Variants in POPDC1 observed in about 807,000 individuals in gnomAD.
The protein encoded by POPDC1 is popeye domain cAMP effector 1.
At chr6:105,132,590 G>T in the POPDC1 span, among the ~76,000 whole-genome samples, 1 of 152,164 alleles carries the variant, frequency 6.6e-6, no homozygotes, top group African/African-American at 2.4e-5. Flanking sequence ...GCCTTCCTCA[G>T]TCTTTGTCTG....
the POPDC1 span, among the ~76,000 whole-genome samples, chr6:105,103,003 C>T: frequency 6.6e-6 from 1 of 152,216 alleles, no homozygotes; most frequent in South Asian, 2.1e-4. Flanking sequence ...CAATTCTGCA[C>T]AGGGCACAGC....
the POPDC1 span, among the ~76,000 whole-genome samples, chr6:105,106,484 C>A: frequency 6.6e-6 from 1 of 152,316 alleles, no homozygotes; most frequent in Middle Eastern, 3.4e-3. Context: ...CAGCGAGAGT[C>A]CTGAGCGAAA....
At chr6:105,111,435 G>A in the POPDC1 span, among the ~76,000 whole-genome samples, 5 of 152,324 alleles carry the variant, frequency 3.3e-5, no homozygotes, top group Admixed American at 2.6e-4. Context: ...TGGTCCAGGA[G>A]CCAAGAGAAG....
chr6:105,106,798 CCT>C, the POPDC1 span, among the ~76,000 whole-genome samples: 3 of 151,804 alleles, frequency 2.0e-5, no homozygotes, highest in East Asian at 1.9e-4. Context: ...GCCTTAAAAA[CCT>C]TTTTTTTAGT....
the POPDC1 span, among the ~76,000 whole-genome samples, chr6:105,113,809 T>C: frequency 0.92 from 138,138 of 149,978 alleles, 63,778 homozygotes; most frequent in Non-Finnish European, 0.96. Flanking sequence ...TGCACCACGA[T>C]GCCTGGCATT....
chr6:105,099,246 G>C, the POPDC1 span: 1 of 152,168 alleles, frequency 6.6e-6, no homozygotes, highest in Non-Finnish European at 1.5e-5. Flanking sequence ...TTTTCTCAAT[G>C]AGTGACCGAG....
chr6:105,100,847 A>G, the POPDC1 span: 1 of 302,288 alleles, frequency 3.3e-6, no homozygotes, highest in Non-Finnish European at 6.0e-6. Context: ...GAAAATATAT[A>G]TCTCAAAAGA....
chr6:105,103,775 G>T, the POPDC1 span, among the ~76,000 whole-genome samples: 1 of 152,156 alleles, frequency 6.6e-6, no homozygotes, highest in African/African-American at 2.4e-5. Flanking sequence ...ATTGAGGCAG[G>T]TATCTATACT....
At chr6:105,124,162 C>A in the POPDC1 span, among the ~76,000 whole-genome samples, 1 of 151,976 alleles carries the variant, frequency 6.6e-6, no homozygotes, top group Admixed American at 6.6e-5. Flanking sequence ...GCAGGCAGAT[C>A]ATGAGGTGAA....
the POPDC1 span, among the ~76,000 whole-genome samples, chr6:105,110,423 G>A: frequency 6.6e-6 from 1 of 152,200 alleles, no homozygotes; most frequent in South Asian, 2.1e-4. Flanking sequence ...TACAATTCAT[G>A]TAAAGCTTAT....
the POPDC1 span, among the ~76,000 whole-genome samples, chr6:105,126,148 C>T: frequency 6.6e-6 from 1 of 151,712 alleles, no homozygotes; most frequent in South Asian, 2.1e-4. Context: ...ATTGCTTGAA[C>T]CCGGGAGGTG....
chr6:105,131,304 T>G, the POPDC1 span, among the ~76,000 whole-genome samples: 1 of 152,196 alleles, frequency 6.6e-6, no homozygotes, highest in South Asian at 2.1e-4. Flanking sequence ...ATATTTTAAT[T>G]TAAAGGAGAC....
the POPDC1 span, among the ~76,000 whole-genome samples, chr6:105,132,446 G>A: frequency 6.6e-6 from 1 of 152,106 alleles, no homozygotes; most frequent in African/African-American, 2.4e-5. Context: ...TTCCTACTAA[G>A]CCTATCACCT....
the POPDC1 span, among the ~76,000 whole-genome samples, chr6:105,110,060 C>T: frequency 6.6e-6 from 1 of 152,112 alleles, no homozygotes; most frequent in Non-Finnish European, 1.5e-5. Flanking sequence ...GACAGAGGCC[C>T]CCTCCTGGGG....
At chr6:105,120,610 G>A in the POPDC1 span, among the ~76,000 whole-genome samples, 1 of 152,214 alleles carries the variant, frequency 6.6e-6, no homozygotes, top group Non-Finnish European at 1.5e-5. Context: ...TTCAGGTCGA[G>A]AATTAGACTA....
chr6:105,128,792 G>A, the POPDC1 span, among the ~76,000 whole-genome samples: 1 of 152,144 alleles, frequency 6.6e-6, no homozygotes, highest in South Asian at 2.1e-4. Context: ...AGGAAAGTCA[G>A]TAGATATATA....
chr6:105,110,659 T>C, the POPDC1 span, among the ~76,000 whole-genome samples: 2 of 151,170 alleles, frequency 1.3e-5, no homozygotes, highest in Non-Finnish European at 2.9e-5. Context: ...AACTAGGTCA[T>C]ATGACATTAG....
the POPDC1 span, chr6:105,098,413 T>TTC: frequency 6.6e-6 from 1 of 152,216 alleles, no homozygotes; most frequent in Non-Finnish European, 1.5e-5. Flanking sequence ...GGTTACAATC[T>TTC]TCACATTGAG....
the POPDC1 span, chr6:105,129,342 T>C: frequency 6.5e-7 from 1 of 1,528,746 alleles, no homozygotes; most frequent in African/African-American, 1.4e-5. Flanking sequence ...GTTTTAGCTT[T>C]AAAATCACTT....
Sources: gnomAD v4.1 joint callset for allele counts (sites outside exome capture counted in the v4.1 genomes callset) on GRCh38, gnomAD v4.1.1 for gene constraint, MANE v1.5 for transcripts, NCBI Gene and HGNC (gene_info 2026-07-23, HGNC 2026-07-21) for gene names.